MIB1: variants seen among roughly 807,000 people sequenced by gnomAD.
MIB1 encodes MIB E3 ubiquitin protein ligase 1.
In MIB1, 278 loss-of-function variants were observed where a neutral mutation model predicts 124.5. The observed-to-expected ratio is 2.23, with a 90% CI of 2.02 to 2.47. MIB1 has a LOEUF of 2.47. MIB1 is among the 30% of genes most tolerant of loss of function. The pLI, the probability that MIB1 is intolerant of heterozygous loss-of-function variation, is 0.00. For synonymous variants in MIB1, 446 were observed against 429.4 expected (o/e 1.04, Z -0.48); for missense variants, 957 against 1,254.4 (o/e 0.76, Z 3.58).
chr18:21,815,011 TTA>T (rs60363843), intron 10 of MIB1, among the ~76,000 whole-genome samples: 3,648 of 52,138 alleles, frequency 0.07, 82 homozygotes, highest in Non-Finnish European at 0.098. Context: ...GCTGTTGGTT[TTA>T]TATATATATA....
At chr18:21,736,310 C>T (rs1045466137), upstream of MIB1, among the ~76,000 whole-genome samples, 2 of 152,140 alleles carry the variant, frequency 1.3e-5, no homozygotes, top group Non-Finnish European at 2.9e-5. Flanking sequence ...GGAAAACTAA[C>T]AAACAGAAAG....
At chr18:21,851,718 A>C (rs1598642541) in intron 17 of MIB1, among the ~76,000 whole-genome samples, 1 of 152,238 alleles carries the variant, frequency 6.6e-6, no homozygotes, top group East Asian at 1.9e-4. Flanking sequence ...GGAAAATGGC[A>C]AACAGGCACT....
intron 16 of MIB1, among the ~76,000 whole-genome samples, chr18:21,848,569 G>A (rs1026229980): frequency 3.3e-5 from 5 of 152,208 alleles, no homozygotes; most frequent in African/African-American, 1.2e-4. Flanking sequence ...GTGTTCGTGA[G>A]TTTCTGAAGA....
intron 16 of MIB1, among the ~76,000 whole-genome samples, chr18:21,848,450 CCAAAAAA>C: frequency 4.0e-5 from 6 of 150,870 alleles, no homozygotes; most frequent in Admixed American, 4.0e-4. Context: ...AATTCTGTCT[CCAAAAAA>C]AAAAATCTAT....
At chr18:21,775,800 A>G (rs1347179439) in intron 4 of MIB1, among the ~76,000 whole-genome samples, 1 of 152,190 alleles carries the variant, frequency 6.6e-6, no homozygotes, top group Non-Finnish European at 1.5e-5. Context: ...TTGTTGTGCC[A>G]TTATTTATTT....
intron 3 of MIB1, among the ~76,000 whole-genome samples, chr18:21,771,115 T>C (rs1353757936): frequency 6.6e-6 from 1 of 152,220 alleles, no homozygotes; most frequent in African/African-American, 2.4e-5. Flanking sequence ...TTTTGTCAGA[T>C]GTATCCTTTA....
At chr18:21,855,697 G>C (rs1381978132) in intron 18 of MIB1, among the ~76,000 whole-genome samples, 1 of 152,148 alleles carries the variant, frequency 6.6e-6, no homozygotes, top group Non-Finnish European at 1.5e-5. Flanking sequence ...AGGAGTGTAG[G>C]CCCTACTTTG....
intron 6 of MIB1, among the ~76,000 whole-genome samples, chr18:21,788,366 C>G (rs1438871488): frequency 2.0e-5 from 3 of 152,120 alleles, no homozygotes; most frequent in African/African-American, 7.2e-5. Flanking sequence ...ATCTTACGAG[C>G]ATACATGATC....
At chr18:21,844,032 A>T in intron 14 of MIB1, 60 bp from the exon 15 acceptor site, 1 of 1,527,966 alleles carries the variant, frequency 6.5e-7, no homozygotes, top group Admixed American at 1.7e-5. Flanking sequence ...TACTTTAGAT[A>T]TGTTGAAGTT....
intron 4 of MIB1, among the ~76,000 whole-genome samples, chr18:21,776,685 G>A (rs2041291753): frequency 6.6e-6 from 1 of 152,124 alleles, no homozygotes; most frequent in South Asian, 2.1e-4. Context: ...GCGAAGTAAG[G>A]ACTAAAGTTG....
intron 1 of MIB1, among the ~76,000 whole-genome samples, chr18:21,763,316 C>A (rs2041119972): frequency 6.6e-6 from 1 of 152,102 alleles, no homozygotes; most frequent in Non-Finnish European, 1.5e-5. Flanking sequence ...GGTTAGAAAT[C>A]ATGTCTGATC....
intron 1 of MIB1, among the ~76,000 whole-genome samples, chr18:21,765,263 T>C (rs530053144): frequency 1.3e-5 from 2 of 152,360 alleles, no homozygotes; most frequent in South Asian, 4.1e-4. Context: ...TGCTTCCTAA[T>C]CATTTTCTAA....
intron 10 of MIB1, among the ~76,000 whole-genome samples, chr18:21,813,531 CA>C (rs2041797974): frequency 6.6e-6 from 1 of 151,992 alleles, no homozygotes; most frequent in African/African-American, 2.4e-5. Context: ...TGATACGTAA[CA>C]AAAACTGATT....
intron 1 of MIB1, among the ~76,000 whole-genome samples, chr18:21,709,378 C>T (rs1198524030): frequency 6.6e-6 from 1 of 150,988 alleles, no homozygotes; most frequent in Non-Finnish European, 1.5e-5. Flanking sequence ...CCTGCTCTCT[C>T]TCGGCTACAC....
At chr18:21,734,297 G>A (rs932984941) in intron 1 of MIB1, among the ~76,000 whole-genome samples, 3 of 151,440 alleles carry the variant, frequency 2.0e-5, no homozygotes, top group African/African-American at 7.3e-5. Flanking sequence ...ATTAGAGACG[G>A]GGTTTCACCG....
intron 7 of MIB1, among the ~76,000 whole-genome samples, chr18:21,796,262 G>C (rs1181261297): frequency 6.6e-6 from 1 of 152,036 alleles, no homozygotes; most frequent in Non-Finnish European, 1.5e-5. Context: ...GATGAAGCTG[G>C]AAGCCATCAT....
intron 1 of MIB1, among the ~76,000 whole-genome samples, chr18:21,754,171 G>A (rs1303397803): frequency 6.6e-6 from 1 of 152,174 alleles, no homozygotes; most frequent in Non-Finnish European, 1.5e-5. Context: ...GCTCTTTCCT[G>A]TGTGGTATCA....
intron 1 of MIB1, among the ~76,000 whole-genome samples, chr18:21,726,062 AG>A (rs1411365539): frequency 4.6e-5 from 7 of 152,176 alleles, no homozygotes; most frequent in African/African-American, 1.7e-4. Flanking sequence ...TTTTGAAGCA[AG>A]GCAACTCATT....
chr18:21,758,738 T>C (rs2041063142), intron 1 of MIB1, among the ~76,000 whole-genome samples: 1 of 152,170 alleles, frequency 6.6e-6, no homozygotes, highest in South Asian at 2.1e-4. Context: ...TTTCACTATG[T>C]TGGCCAGACT....
Sources: gnomAD v4.1 joint callset for allele counts (sites outside exome capture counted in the v4.1 genomes callset) on GRCh38, gnomAD v4.1.1 for gene constraint, MANE v1.5 for transcripts, NCBI Gene and HGNC (gene_info 2026-07-23, HGNC 2026-07-21) for gene names.